Variants in VPS13B observed in about 807,000 individuals in gnomAD.
The protein encoded by VPS13B is vacuolar protein sorting 13 homolog B, also known as intermembrane lipid transfer protein VPS13B.
Under a neutral mutation model 426.4 loss-of-function variants are expected in VPS13B, and 285 were observed. The observed-to-expected ratio is 0.67, with a 90% CI of 0.61 to 0.74. The LOEUF (loss-of-function observed/expected upper bound fraction) is 0.74, where lower values mean the gene tolerates loss of function less well. Ranked by LOEUF, VPS13B falls within the 30% of genes least tolerant of loss-of-function variation. The pLI is 0.00. For missense variants in VPS13B, 4,537 were observed against 4,782.6 expected (o/e 0.95, Z 1.51); for synonymous variants, 1,676 against 1,676.4 (o/e 1.00, Z 0.01).
At chr8:99,533,745 C>G (rs542319615) in intron 30 of VPS13B, among the ~76,000 whole-genome samples, 4 of 152,118 alleles carry the variant, frequency 2.6e-5, no homozygotes, top group African/African-American at 9.6e-5. Context: ...TTTATAATAG[C>G]CTTTCTTTAT....
chr8:99,156,427 C>T (rs1811367318), intron 14 of VPS13B, 122 bp from the exon 15 acceptor site: 1 of 841,622 alleles, frequency 1.2e-6, no homozygotes, highest in Non-Finnish European at 1.9e-6. Context: ...TGTAGAAAGG[C>T]ATCATTTCTA....
chr8:99,372,734 A>T (rs1813261017), intron 19 of VPS13B, among the ~76,000 whole-genome samples: 1 of 152,238 alleles, frequency 6.6e-6, no homozygotes, highest in Non-Finnish European at 1.5e-5. Context: ...AATTAGTTCA[A>T]CCATCATGGA....
chr8:99,497,370 TTTTATATTTAAATATAAAAATATATTTA>T, intron 25 of VPS13B, among the ~76,000 whole-genome samples: 1 of 144,922 alleles, frequency 6.9e-6, no homozygotes, highest in South Asian at 2.2e-4. Context: ...TATGTATATA[TTTTATATTTAAATATAAAAATATATTTA>T]TGTAATATAA....
At chr8:99,471,298 G>C (rs1343949906) in intron 24 of VPS13B, among the ~76,000 whole-genome samples, 1 of 152,058 alleles carries the variant, frequency 6.6e-6, no homozygotes, top group African/African-American at 2.4e-5. Context: ...AAATCAAAAA[G>C]CATAACATTG....
chr8:99,376,339 A>G (rs1007404945), intron 19 of VPS13B, among the ~76,000 whole-genome samples: 1 of 152,190 alleles, frequency 6.6e-6, no homozygotes, highest in Non-Finnish European at 1.5e-5. Context: ...ATCTCTCTCT[A>G]AATTAAAGAG....
chr8:99,830,066 G>A (rs1172183735), intron 51 of VPS13B, among the ~76,000 whole-genome samples: 2 of 152,242 alleles, frequency 1.3e-5, no homozygotes, highest in Non-Finnish European at 2.9e-5. Flanking sequence ...CTCATCAGGA[G>A]GCTCGGGGGT....
At chr8:99,558,584 A>G (rs557634342) in intron 31 of VPS13B, among the ~76,000 whole-genome samples, 2 of 149,124 alleles carry the variant, frequency 1.3e-5, no homozygotes, top group Non-Finnish European at 3.0e-5. Context: ...AACAGGCCCC[A>G]GTATGTGATG....
At chr8:99,867,441 G>A (rs769305857) in intron 58 of VPS13B, among the ~76,000 whole-genome samples, 15 of 152,278 alleles carry the variant, frequency 9.9e-5, no homozygotes, top group African/African-American at 1.4e-4. Flanking sequence ...GGTTTTGGTC[G>A]CTATTCTAAG....
intron 55 of VPS13B, among the ~76,000 whole-genome samples, chr8:99,851,808 C>CTCT (rs1019224486): frequency 4.6e-5 from 7 of 152,044 alleles, no homozygotes; most frequent in African/African-American, 1.7e-4. Flanking sequence ...AGCTTTAATT[C>CTCT]TAAGTGAAAT....
At chr8:99,421,151 G>A (rs914968186) in intron 21 of VPS13B, among the ~76,000 whole-genome samples, 2 of 152,086 alleles carry the variant, frequency 1.3e-5, no homozygotes, top group Non-Finnish European at 2.9e-5. Context: ...GACTCCAAGT[G>A]TAGTACTTTT....
chr8:99,493,049 A>C (rs1347585109), intron 25 of VPS13B, among the ~76,000 whole-genome samples: 1 of 152,146 alleles, frequency 6.6e-6, no homozygotes, highest in Non-Finnish European at 1.5e-5. Flanking sequence ...TTATTCTCTT[A>C]ATGTGACTAA....
chr8:99,256,993 C>G (rs1817777113), intron 17 of VPS13B, among the ~76,000 whole-genome samples: 4 of 152,012 alleles, frequency 2.6e-5, no homozygotes. Context: ...CAGGCTGAGT[C>G]TGGTATAGAG....
At chr8:99,248,615 TTTAACTC>T (rs1183412541) in intron 17 of VPS13B, among the ~76,000 whole-genome samples, 1 of 152,192 alleles carries the variant, frequency 6.6e-6, no homozygotes, top group Non-Finnish European at 1.5e-5. Context: ...TTTTGACACT[TTTAACTC>T]TTACAGAGAA....
chr8:99,450,645 A>G lies in VPS13B; in HGVS notation c.3445+8010A>G, dbSNP rs534001002. ...GGAGAATCGCTTGAACCTGGGAGGC[A>G]GAGGTTGCAGTGAGCCAAGATTGTG... On this transcript the variant is annotated intron_variant, in intron 23 of 61. Coordinates refer to ENST00000357162, the MANE Select transcript of VPS13B (RefSeq NM_152564.5). 4.7e-4 allele frequency among the ~76,000 whole-genome samples: 71 copies of G among 152,292 alleles called. 1 individual carries two copies. Among genetic ancestry groups the G allele is most frequent in the Admixed American group, 3.1e-3 (48 of 15,298 alleles).
At chr8:99,222,088 T>C (rs909364872) in intron 17 of VPS13B, among the ~76,000 whole-genome samples, 1 of 152,188 alleles carries the variant, frequency 6.6e-6, no homozygotes, top group African/African-American at 2.4e-5. Flanking sequence ...TAATCAAGAT[T>C]TGGCATCACT....
At chr8:99,872,832 ACT>A (rs1563521112) in intron 61 of VPS13B, among the ~76,000 whole-genome samples, 1 of 152,238 alleles carries the variant, frequency 6.6e-6, no homozygotes, top group East Asian at 1.9e-4. Flanking sequence ...CCTTCACGCC[ACT>A]GTTTGGGTAA....
intron 17 of VPS13B, among the ~76,000 whole-genome samples, chr8:99,237,656 G>A (rs1410577303): frequency 6.6e-6 from 1 of 152,080 alleles, no homozygotes; most frequent in Non-Finnish European, 1.5e-5. Flanking sequence ...AGGTGATGGT[G>A]AGGGATAAAA....
At chr8:99,528,424 A>G (rs1450369384) in intron 30 of VPS13B, among the ~76,000 whole-genome samples, 1 of 152,090 alleles carries the variant, frequency 6.6e-6, no homozygotes, top group Non-Finnish European at 1.5e-5. Flanking sequence ...CACCAATAGT[A>G]GATATATATT....
At chr8:99,626,023 C>A (rs1011642953) in intron 33 of VPS13B, among the ~76,000 whole-genome samples, 1 of 152,132 alleles carries the variant, frequency 6.6e-6, no homozygotes, top group Non-Finnish European at 1.5e-5. Flanking sequence ...CAAAAATTAA[C>A]ACAAAATGAA....
Sources: allele counts gnomAD v4.1 joint callset (sites outside exome capture counted in the v4.1 genomes callset), GRCh38; gene constraint gnomAD v4.1.1; transcripts MANE v1.5; gene names NCBI Gene and HGNC (gene_info 2026-07-23, HGNC 2026-07-21).